Variants in PCDHGA4 observed in about 807,000 individuals in gnomAD.
PCDHGA4 encodes protocadherin gamma-A4.
A neutral mutation model predicts 54.6 loss-of-function variants in PCDHGA4; 38 were observed. The ratio of observed to expected loss-of-function variants is 0.70; its 90% CI spans 0.54 to 0.91. The LOEUF (loss-of-function observed/expected upper bound fraction) is 0.91. Ranked by LOEUF, PCDHGA4 falls within the 40% of genes least tolerant of loss-of-function variation. The pLI is 0.00. For synonymous variants in PCDHGA4, 511 were observed against 512.9 expected (o/e 1.00, Z 0.05); for missense variants, 1,298 against 1,220.9 (o/e 1.06, Z -0.94).
intron 1 of PCDHGA4, chr5:141,415,949 C>T (rs369226000): frequency 6.5e-4 from 320 of 496,036 alleles, no homozygotes; most frequent in African/African-American, 5.9e-3. Context: ...TGGGTGGTCA[C>T]ATATTGAAAC....
At chr5:141,459,315 T>C (rs2154566534) in intron 1 of PCDHGA4, among the ~76,000 whole-genome samples, 1 of 152,362 alleles carries the variant, frequency 6.6e-6, no homozygotes, top group East Asian at 1.9e-4. Context: ...CTATTTTGTA[T>C]CCATCTTCTT....
In PCDHGA4 at chr5:141,409,582, C is replaced by A. The variant is rs2095287974; in HGVS notation, c.2514+51961C>A. On this transcript the variant is annotated intron_variant, in intron 1 of 3. Coordinates refer to ENST00000571252, the MANE Select transcript of PCDHGA4 (RefSeq NM_018917.4). ...TCGACCAGACGTCCTACGTGGTCCA[C>A]GTGGCCGAGAACAACCCGCCAGGAG... 2.5e-6 allele frequency: 4 copies of A among 1,613,914 alleles called. No homozygotes were observed. The Middle Eastern group carries it at 4.9e-4, about 200-fold the overall frequency.
intron 1 of PCDHGA4, among the ~76,000 whole-genome samples, chr5:141,471,996 G>A (rs2099268647): frequency 6.6e-6 from 1 of 152,006 alleles, no homozygotes; most frequent in Admixed American, 6.6e-5. Context: ...AAAAATCCCT[G>A]CATCGTATAG....
At chr5:141,401,079 C>T (rs1245954946) in intron 1 of PCDHGA4, among the ~76,000 whole-genome samples, 16 of 152,196 alleles carry the variant, frequency 1.1e-4, no homozygotes, top group Admixed American at 1.0e-3. Flanking sequence ...TGCAGTGGCT[C>T]ATGCCTGTAA....
chr5:141,509,601 G>A (rs2099877534), intron 3 of PCDHGA4, among the ~76,000 whole-genome samples: 1 of 152,144 alleles, frequency 6.6e-6, no homozygotes, highest in Non-Finnish European at 1.5e-5. Flanking sequence ...ATTCCGAGAG[G>A]CTGCATTCTA....
chr5:141,435,922 G>A (rs1312886163), intron 1 of PCDHGA4, among the ~76,000 whole-genome samples: 1 of 152,070 alleles, frequency 6.6e-6, no homozygotes, highest in Non-Finnish European at 1.5e-5. Context: ...TCTAAAATGC[G>A]GCAGTTGCTG....
chr5:141,476,562 C>A lies in PCDHGA4; in HGVS notation c.2515-18245C>A. On this transcript the variant is annotated intron_variant, in intron 1 of 3. Transcript: ENST00000571252. This position sits in a 1 kb window ranked among gnomAD's most constrained non-coding sequence, Gnocchi z 7.6. ...AAATTGGAGATTAGCGAGGCCGTGG[C>A]TCCGGGGACGCGCTTTCCGCTCGAG... 1 of 1,614,218 alleles carries A rather than the reference C, an allele frequency of 6.2e-7. No homozygotes were observed. The highest frequency in any genetic ancestry group is 8.5e-7 in the Non-Finnish European group (1 of 1,180,034).
chr5:141,460,511 AT>A (rs937107682), intron 1 of PCDHGA4, among the ~76,000 whole-genome samples: 2 of 152,168 alleles, frequency 1.3e-5, no homozygotes, highest in African/African-American at 4.8e-5. Flanking sequence ...TGAGAAGGCT[AT>A]CTTTTCCCCA....
intron 1 of PCDHGA4, chr5:141,375,733 G>C: frequency 6.2e-7 from 1 of 1,614,248 alleles, no homozygotes; most frequent in South Asian, 1.1e-5. Context: ...CACTGAGCCT[G>C]TTTGTGCTGG....
At position 141,512,430 on chromosome 5, in the gene PCDHGA4, CT is replaced by C. The variant is rs1357890225; in HGVS notation, c.*1258del. The C allele has an allele frequency of 1.3e-5, 2 of 152,824 alleles. No homozygotes were observed. Among genetic ancestry groups the C allele is most frequent in the Non-Finnish European group, 2.9e-5 (2 of 68,158 alleles). 9.5% of individuals were successfully genotyped at this position (152,824 alleles called of 1,614,324 possible). On this transcript the variant is annotated 3_prime_UTR_variant, in exon 4 of 4. Coordinates refer to ENST00000571252, the MANE Select transcript of PCDHGA4 (RefSeq NM_018917.4). ...CTTCTTCAACAGGGCCCCTGCCCTCCTGAAGCCTCAGTCCTTCACCTTGCCA... is the reference window on the plus strand; with the variant it reads ...CTTCTTCAACAGGGCCCCTGCCCTCCGAAGCCTCAGTCCTTCACCTTGCCA...
intron 1 of PCDHGA4, chr5:141,374,073 A>AT: frequency 6.6e-7 from 1 of 1,510,034 alleles, no homozygotes; most frequent in Non-Finnish European, 8.8e-7. Flanking sequence ...GAAGTTCCTA[A>AT]TAAGCCAGTA....
chr5:141,438,651 CAT>C (rs2098045358), intron 1 of PCDHGA4, among the ~76,000 whole-genome samples: 1 of 83,744 alleles, frequency 1.2e-5, no homozygotes, highest in East Asian at 3.2e-4. Context: ...CACACACACA[CAT>C]ATATGTATAT....
intron 1 of PCDHGA4, chr5:141,417,617 A>G (rs576281946): frequency 9.3e-6 from 6 of 646,206 alleles, no homozygotes; most frequent in African/African-American, 1.8e-5. Flanking sequence ...GCCAGTGCAG[A>G]GCAAGCGCTG....
intron 1 of PCDHGA4, among the ~76,000 whole-genome samples, chr5:141,433,641 G>A (rs1177387884): frequency 6.6e-6 from 1 of 152,104 alleles, no homozygotes; most frequent in Non-Finnish European, 1.5e-5. Flanking sequence ...TTTGAGACCA[G>A]CCTGACCAAC....
chr5:141,408,077 G>A, intron 1 of PCDHGA4: 2 of 1,408,130 alleles, frequency 1.4e-6, no homozygotes, highest in South Asian at 3.0e-5. Context: ...ACCTTTCCCA[G>A]CACAGCGGAT....
At chr5:141,494,772 G>C in intron 1 of PCDHGA4, 35 bp from the exon 2 acceptor site, 1 of 1,613,982 alleles carries the variant, frequency 6.2e-7, no homozygotes, top group Non-Finnish European at 8.5e-7. Context: ...ACTTCTCACG[G>C]GTACTCAGCC....
Position 141,490,311 on chromosome 5 carries a change from C to T in PCDHGA4, c.2515-4496C>T. 6.2e-7 allele frequency: 1 copy of T among 1,614,200 alleles called. No individual in the cohort carries two copies. The highest frequency in any genetic ancestry group is 8.5e-7 in the Non-Finnish European group (1 of 1,180,018). On this transcript the variant is annotated intron_variant, in intron 1 of 3. Coordinates refer to ENST00000571252, the MANE Select transcript of PCDHGA4 (RefSeq NM_018917.4). This position sits in a 1 kb window ranked among gnomAD's most constrained non-coding sequence, Gnocchi z 5.4. ...AGGTGCTATTGGCCTCTTTGGCCAA[C>T]CCTGTCCTAGAGAGCACACCAGTGG...
chr5:141,509,346 G>A (rs946395640), intron 3 of PCDHGA4, among the ~76,000 whole-genome samples: 7 of 152,194 alleles, frequency 4.6e-5, no homozygotes, highest in Non-Finnish European at 8.8e-5. Flanking sequence ...GCCTGGGCTG[G>A]CCTGGGCATC....
At chr5:141,371,513 T>C (rs1470036501) in intron 1 of PCDHGA4, 5 of 1,613,818 alleles carry the variant, frequency 3.1e-6, no homozygotes, top group Non-Finnish European at 4.2e-6. Flanking sequence ...AAACACATGA[T>C]CTAGATTCTG....
Sources: allele counts gnomAD v4.1 joint callset (sites outside exome capture counted in the v4.1 genomes callset), GRCh38; gene constraint gnomAD v4.1.1; non-coding constraint Gnocchi (gnomAD v3.1); transcripts MANE v1.5; gene names NCBI Gene and HGNC (gene_info 2026-07-23, HGNC 2026-07-21).